MSTO1: variants seen among roughly 807,000 people sequenced by gnomAD.
The protein encoded by MSTO1 is protein misato homolog 1.
In MSTO1, 24 loss-of-function variants were observed where a neutral mutation model predicts 55.7. The ratio of observed to expected loss-of-function variants is 0.43; its 90% confidence interval spans 0.31 to 0.61. MSTO1 has a LOEUF of 0.61. MSTO1 is among the 20% of genes least tolerant of loss of function. The probability of loss-of-function intolerance (pLI) is 0.09; values close to 1 mark genes in which losing one functional copy is unlikely to be tolerated. For synonymous variants in MSTO1, 162 were observed against 252.8 expected (o/e 0.64, Z 3.41); for missense variants, 363 against 625.7 (o/e 0.58, Z 4.48).
At chr1:155,590,128 C>T in the MSTO1 span, among the ~76,000 whole-genome samples, 6 of 152,040 alleles carry the variant, frequency 3.9e-5, no homozygotes, top group South Asian at 2.1e-4. Flanking sequence ...TCAGAAGTTC[C>T]GGAGGTAGGC....
the MSTO1 span, among the ~76,000 whole-genome samples, chr1:155,578,336 CTTTTTTTTTTTTTT>C: frequency 9.3e-4 from 41 of 44,294 alleles, 1 homozygote; most frequent in African/African-American, 3.7e-3. Flanking sequence ...AACTACCTTT[CTTTTTTTTTTTTTT>C]TTTTTTTTTT....
At chr1:155,612,637 G>T (rs1368168079) in intron 9 of MSTO1, 67 bp downstream of exon 9, 2 of 1,532,422 alleles carry the variant, frequency 1.3e-6, no homozygotes, top group East Asian at 4.5e-5. Context: ...CCAGTCAGCC[G>T]CTGTCTGTTA....
chr1:155,589,135 T>A, the MSTO1 span, among the ~76,000 whole-genome samples: 1 of 151,988 alleles, frequency 6.6e-6, no homozygotes. Context: ...CCGTCTCTAC[T>A]AAAAATACAA....
chr1:155,569,434 C>CTTTTT, the MSTO1 span, among the ~76,000 whole-genome samples: 3 of 89,780 alleles, frequency 3.3e-5, no homozygotes, highest in Non-Finnish European at 4.4e-5. Context: ...TGCGCCCGGT[C>CTTTTT]TTTTTTTTTT....
chr1:155,590,467 G>T, the MSTO1 span: 1 of 482,688 alleles, frequency 2.1e-6, no homozygotes, highest in South Asian at 5.3e-5. Flanking sequence ...GTTTTTAAAT[G>T]AATTTTAAAT....
chr1:155,595,457 C>T, the MSTO1 span, among the ~76,000 whole-genome samples: 6 of 150,300 alleles, frequency 4.0e-5, no homozygotes, highest in East Asian at 2.0e-4. Context: ...GGATTACAGG[C>T]GTGAGCCACC....
chr1:155,590,129 G>A, the MSTO1 span, among the ~76,000 whole-genome samples: 9 of 152,134 alleles, frequency 5.9e-5, 2 homozygotes, highest in South Asian at 4.1e-4. Context: ...CAGAAGTTCC[G>A]GAGGTAGGCA....
At chr1:155,574,601 CTG>C in the MSTO1 span, among the ~76,000 whole-genome samples, 2 of 152,112 alleles carry the variant, frequency 1.3e-5, no homozygotes, top group East Asian at 3.9e-4. Flanking sequence ...GGACCTCACT[CTG>C]TTACCCAGGC....
At chr1:155,608,563 G>A (rs1313545435), upstream of MSTO1, among the ~76,000 whole-genome samples, 21 of 148,280 alleles carry the variant, frequency 1.4e-4, no homozygotes, top group Non-Finnish European at 2.7e-4. Context: ...GCAGTGGCGC[G>A]ATCTCGGCTC....
At chr1:155,608,192 G>T (rs977921753), upstream of MSTO1, among the ~76,000 whole-genome samples, 3 of 152,096 alleles carry the variant, frequency 2.0e-5, no homozygotes, top group Non-Finnish European at 2.9e-5. Context: ...TTGAGACAGG[G>T]TCTCCCTCTG....
the MSTO1 span, among the ~76,000 whole-genome samples, chr1:155,575,181 C>G: frequency 6.6e-6 from 1 of 150,548 alleles, no homozygotes; most frequent in African/African-American, 2.4e-5. Context: ...CTTGTACTTT[C>G]TATGAGTAAA....
At chr1:155,572,042 CAAAA>C in the MSTO1 span, among the ~76,000 whole-genome samples, 9 of 77,740 alleles carry the variant, frequency 1.2e-4, no homozygotes, top group Admixed American at 2.9e-4. Flanking sequence ...ACTCTTGTCT[CAAAA>C]AAAAAAAAAA....
At chr1:155,602,285 C>T in the MSTO1 span, 1,230 of 307,674 alleles carry the variant, frequency 4.0e-3, 14 homozygotes, top group African/African-American at 0.026. Context: ...TCGAAACCAG[C>T]GACCAACATG....
chr1:155,609,216 A>AATATATATAT (rs1309185452), upstream of MSTO1, among the ~76,000 whole-genome samples: 2 of 103,716 alleles, frequency 1.9e-5, no homozygotes, highest in Non-Finnish European at 3.9e-5. Flanking sequence ...TATTATCAGC[A>AATATATATAT]GTATATATAT....
chr1:155,608,893 C>A (rs529684568), upstream of MSTO1, among the ~76,000 whole-genome samples: 1 of 150,716 alleles, frequency 6.6e-6, no homozygotes, highest in Admixed American at 6.6e-5. Context: ...GGCGTGATAT[C>A]GGCTCACTGC....
chr1:155,580,165 G>A, the MSTO1 span, among the ~76,000 whole-genome samples: 1 of 151,580 alleles, frequency 6.6e-6, no homozygotes, highest in Non-Finnish European at 1.5e-5. Context: ...AGGCTGAAGG[G>A]AGAGGTTGCA....
the MSTO1 span, among the ~76,000 whole-genome samples, chr1:155,592,422 T>C: frequency 6.6e-6 from 1 of 152,236 alleles, no homozygotes; most frequent in African/African-American, 2.4e-5. Context: ...TGACTCCTCC[T>C]GTTTCTGCAA....
the MSTO1 span, among the ~76,000 whole-genome samples, chr1:155,596,107 A>G: frequency 2.0e-5 from 3 of 152,216 alleles, no homozygotes; most frequent in African/African-American, 7.2e-5. Context: ...CTGTGTGGAA[A>G]GAAAAAAATA....
upstream of MSTO1, chr1:155,610,059 G>A: frequency 1.6e-6 from 1 of 622,226 alleles, no homozygotes; most frequent in East Asian, 2.9e-5. Context: ...CAACCACAGA[G>A]AAGCCGGACT....
Sources: allele counts gnomAD v4.1 joint callset (sites outside exome capture counted in the v4.1 genomes callset), GRCh38; gene constraint gnomAD v4.1.1; transcripts MANE v1.5; gene names NCBI Gene and HGNC (gene_info 2026-07-23, HGNC 2026-07-21).